The following ALPK2 variants were observed in gnomAD, a reference collection of about 807,000 sequenced individuals.
ALPK2 encodes alpha kinase 2.
ALPK2 carries 127 observed loss-of-function variants against 163.1 expected under a neutral mutation model. The observed-to-expected ratio is 0.78, with a 90% CI of 0.67 to 0.90. The LOEUF is 0.90. ALPK2 is among the 40% of genes least tolerant of loss of function. The pLI, the probability that ALPK2 is intolerant of heterozygous loss-of-function variation, is 0.00. For missense variants in ALPK2, 2,360 were observed against 2,589.6 expected (o/e 0.91, Z 1.92); for synonymous variants, 953 against 959.1 (o/e 0.99, Z 0.12).
intron 12 of ALPK2, among the ~76,000 whole-genome samples, chr18:58,491,243 A>G (rs2051373515): frequency 6.6e-6 from 1 of 152,242 alleles, no homozygotes; most frequent in Non-Finnish European, 1.5e-5. Flanking sequence ...TAACTTGGGG[A>G]GGAACTTAGT....
At chr18:58,491,333 C>CT (rs2051373968) in intron 12 of ALPK2, among the ~76,000 whole-genome samples, 1 of 152,228 alleles carries the variant, frequency 6.6e-6, no homozygotes, top group Admixed American at 6.5e-5. Flanking sequence ...ACTAGACTGC[C>CT]TTTGCAGGAC....
intron 3 of ALPK2, 141 bp from the exon 4 acceptor site, chr18:58,580,689 G>A: frequency 1.2e-6 from 1 of 844,296 alleles, no homozygotes; most frequent in Non-Finnish European, 1.8e-6. Context: ...AAAAGAGTTT[G>A]TGGCCAAAGG....
chr18:58,597,416 T>A (rs1293525193), intron 3 of ALPK2, among the ~76,000 whole-genome samples: 1 of 152,204 alleles, frequency 6.6e-6, no homozygotes, highest in Admixed American at 6.5e-5. Flanking sequence ...TCCTTATGTG[T>A]ATTATCTCAT....
intron 4 of ALPK2, among the ~76,000 whole-genome samples, chr18:58,559,747 T>A (rs1322767876): frequency 6.6e-6 from 1 of 152,166 alleles, no homozygotes; most frequent in Non-Finnish European, 1.5e-5. Flanking sequence ...CCACGTCAGA[T>A]TTTCTAAGCC....
intron 9 of ALPK2, among the ~76,000 whole-genome samples, chr18:58,515,322 C>T (rs1218949733): frequency 3.9e-5 from 6 of 152,034 alleles, no homozygotes; most frequent in Non-Finnish European, 8.8e-5. Flanking sequence ...GACCAGGTGT[C>T]CCTGAACTAT....
chr18:58,488,066 C>T lies in ALPK2; in HGVS notation c.6297-6027G>A, dbSNP rs545602256. On this transcript the variant is annotated intron_variant, in intron 12 of 12. Transcript: ENST00000361673. ...GTATTGATGTCACTGGTCCAGGGAC[C>T]CCCTCTCCTTTGAGCAACAAGGAGA... Among the ~76,000 whole-genome samples, 125 of 151,918 alleles carry T rather than the reference C, an allele frequency of 8.2e-4. 3 individuals carry two copies. In the South Asian group the frequency reaches 0.015, roughly 19 times the overall value.
Position 58,536,512 on chromosome 18 carries a change from A to C in ALPK2, c.3675T>G (p.Tyr1225Ter). The change falls in exon 5 of 13, where the codon TAT (tyrosine) becomes TAG (stop). Residue 1225 changes from tyrosine (Y) to a stop codon, truncating the protein, a stop_gained. Transcript: ENST00000361673. LOFTEE classifies it high-confidence loss of function. ...TGCCTGCCTCCCAATTTCCAGGTCT[A>C]TATTCTTTAGACTCTTCCAAAAGGA... ...SDILLEESKE[Y>*]RPGNWEAGNK... The C allele has an allele frequency of 1.2e-6, 2 of 1,613,822 alleles. No homozygotes were observed. The highest frequency in any genetic ancestry group is 8.5e-7 in the Non-Finnish European group (1 of 1,180,012).
At chr18:58,625,448 A>G (rs1425426980) in intron 1 of ALPK2, among the ~76,000 whole-genome samples, 1 of 152,276 alleles carries the variant, frequency 6.6e-6, no homozygotes, top group Admixed American at 6.5e-5. Context: ...TGGCTACAGC[A>G]GTGGTTCTCA....
chr18:58,570,129 CAAAAAAAAAAAA>C (rs11329554), intron 4 of ALPK2, among the ~76,000 whole-genome samples: 13 of 125,426 alleles, frequency 1.0e-4, no homozygotes, highest in East Asian at 4.5e-4. Flanking sequence ...GACTCCGTCT[CAAAAAAAAAAAA>C]AAAAAGAAAA....
At chr18:58,560,863 G>A (rs1028944184) in intron 4 of ALPK2, among the ~76,000 whole-genome samples, 17 of 152,224 alleles carry the variant, frequency 1.1e-4, no homozygotes, top group East Asian at 1.9e-4. Flanking sequence ...GAGTTCTCAG[G>A]TAGTTAGATG....
At chr18:58,531,230 T>A (rs1413195018) in intron 5 of ALPK2, among the ~76,000 whole-genome samples, 2 of 152,072 alleles carry the variant, frequency 1.3e-5, no homozygotes, top group African/African-American at 4.8e-5. Context: ...AAACATTACT[T>A]AGGGTTTATT....
chr18:58,550,898 C>T (rs112528023), intron 4 of ALPK2, among the ~76,000 whole-genome samples: 1 of 138,306 alleles, frequency 7.2e-6, no homozygotes, highest in Non-Finnish European at 1.6e-5. Context: ...CCCATCCCCA[C>T]CTCCATCACA....
chr18:58,508,998 A>G (rs2051475604), intron 10 of ALPK2, among the ~76,000 whole-genome samples: 1 of 150,916 alleles, frequency 6.6e-6, no homozygotes, highest in Non-Finnish European at 1.5e-5. Flanking sequence ...CTCATCATTT[A>G]ACATTAGATA....
At chr18:58,533,449 AT>A (rs10578866) in intron 5 of ALPK2, among the ~76,000 whole-genome samples, 39,739 of 141,236 alleles carry the variant, frequency 0.28, 5,810 homozygotes, top group African/African-American at 0.44. Flanking sequence ...ATTCTATTTA[AT>A]TTTTTTTTTT....
intron 4 of ALPK2, among the ~76,000 whole-genome samples, chr18:58,552,092 A>T (rs903291117): frequency 6.6e-6 from 1 of 151,438 alleles, no homozygotes; most frequent in Admixed American, 6.6e-5. Flanking sequence ...TCATCACTTT[A>T]AAAAAAAATG....
intron 4 of ALPK2, among the ~76,000 whole-genome samples, chr18:58,562,860 G>A (rs1338543047): frequency 6.6e-6 from 1 of 152,204 alleles, no homozygotes; most frequent in Non-Finnish European, 1.5e-5. Context: ...AAGAGAGGAA[G>A]CAAGCTCTCT....
intron 12 of ALPK2, among the ~76,000 whole-genome samples, chr18:58,495,380 G>A (rs2051396443): frequency 6.6e-6 from 1 of 152,146 alleles, no homozygotes; most frequent in South Asian, 2.1e-4. Context: ...CCTTGGGTGG[G>A]AAGGCAATGA....
intron 2 of ALPK2, among the ~76,000 whole-genome samples, chr18:58,609,454 CT>C (rs2052116349): frequency 6.6e-6 from 1 of 152,182 alleles, no homozygotes; most frequent in East Asian, 1.9e-4. Context: ...TGAATTCCTC[CT>C]TTTTGTGGGT....
Position 58,535,540 on chromosome 18 carries a change from A to G in ALPK2, c.4647T>C (p.Thr1549=). ...GCGTGTCAACCCCAAGAGAAGCGTG[A>G]GTCATTATTGGAAGACAACTAGAAA... is the stretch of plus-strand genomic sequence containing the variant. ...SPLSSCLPIM[T]HASLGVDTHN... is the part of the protein sequence containing the mutation. The change falls in exon 5 of 13, where the codon ACT becomes ACC. Residue 1549 remains threonine, a synonymous_variant. Coordinates refer to ENST00000361673, the MANE Select transcript of ALPK2 (RefSeq NM_052947.4). 1 of 1,614,224 alleles carries G rather than the reference A, an allele frequency of 6.2e-7. No individual in the cohort carries two copies. Among genetic ancestry groups the G allele is most frequent in the Non-Finnish European group, 8.5e-7 (1 of 1,180,024 alleles).
Sources: allele counts gnomAD v4.1 joint callset (sites outside exome capture counted in the v4.1 genomes callset), GRCh38; gene constraint gnomAD v4.1.1; transcripts MANE v1.5; gene names NCBI Gene and HGNC (gene_info 2026-07-23, HGNC 2026-07-21).